The following SLC37A3 variants were observed in gnomAD, a reference collection of about 807,000 sequenced individuals.
SLC37A3 encodes sugar phosphate exchanger 3.
Under a neutral mutation model 67.1 loss-of-function variants are expected in SLC37A3, and 51 were observed. The observed-to-expected ratio is 0.76, with a 90% CI of 0.61 to 0.96. The LOEUF (loss-of-function observed/expected upper bound fraction) is 0.96. SLC37A3 is among the 40% of genes least tolerant of loss of function. SLC37A3 has a pLI of 0.00. For synonymous variants in SLC37A3, 214 were observed against 231.4 expected, an observed-to-expected ratio of 0.92 and a Z score of 0.68; for missense variants, 508 against 603.0, an observed-to-expected ratio of 0.84 and a Z score of 1.65.
At chr7:140,361,022 G>C (rs1797246159) in intron 5 of SLC37A3, among the ~76,000 whole-genome samples, 1 of 152,076 alleles carries the variant, frequency 6.6e-6, no homozygotes, top group African/African-American at 2.4e-5. Flanking sequence ...ACTGTTTCAA[G>C]TGCCTGCAAA....
At chr7:140,350,731 T>C (rs1032017588) in intron 9 of SLC37A3, among the ~76,000 whole-genome samples, 1 of 151,964 alleles carries the variant, frequency 6.6e-6, no homozygotes, top group Admixed American at 6.6e-5. Flanking sequence ...GCCACTGCAC[T>C]CCAGCCTGGG....
Position 140,352,144 on chromosome 7 carries a change from A to G in SLC37A3, c.621T>C (p.Tyr207=), listed in dbSNP as rs1796835995. The change falls in exon 8 of 15, where the codon TAT becomes TAC. Residue 207 remains tyrosine, a splice_region_variant and synonymous_variant. Transcript: ENST00000326232. ...GCACAGACGCCGTCACCAGAAAGGC[A>G]TACTGGAGGAGAGGGGTGAAAGGTG... ...ASSVLQYGYE[Y]AFLVTASVQF... 1.3e-6 allele frequency: 2 copies of G among 1,546,072 alleles called. No individual in the cohort carries two copies. The highest frequency in any genetic ancestry group is 1.1e-5 in the South Asian group (1 of 89,920).
chr7:140,393,749 C>A (rs1798810290), intron 1 of SLC37A3, among the ~76,000 whole-genome samples: 1 of 152,170 alleles, frequency 6.6e-6, no homozygotes, highest in Admixed American at 6.6e-5. Context: ...GCATCTCTCC[C>A]AGTTATCTGG....
At chr7:140,365,136 T>A (rs1797547747) in intron 4 of SLC37A3, among the ~76,000 whole-genome samples, 1 of 152,108 alleles carries the variant, frequency 6.6e-6, no homozygotes, top group Non-Finnish European at 1.5e-5. Flanking sequence ...TGCCTTCTGC[T>A]CTCCTCCCAC....
chr7:140,385,859 T>G (rs375701280), intron 1 of SLC37A3, among the ~76,000 whole-genome samples: 1 of 152,202 alleles, frequency 6.6e-6, no homozygotes, highest in Admixed American at 6.5e-5. Context: ...CTCGGCCCAC[T>G]GCAACCTCCA....
intron 13 of SLC37A3, 104 bp downstream of exon 13, chr7:140,343,308 C>T: frequency 1.3e-6 from 2 of 1,520,744 alleles, no homozygotes; most frequent in Non-Finnish European, 1.8e-6. Context: ...GAACAGCGTT[C>T]TACAGCACAA....
At chr7:140,369,203 T>G (rs1263465111) in intron 4 of SLC37A3, among the ~76,000 whole-genome samples, 1 of 152,178 alleles carries the variant, frequency 6.6e-6, no homozygotes, top group Non-Finnish European at 1.5e-5. Flanking sequence ...CTGTGCTACT[T>G]AAAATTACAA....
At chr7:140,337,098 C>CAAAAA (rs1172096190) in intron 14 of SLC37A3, among the ~76,000 whole-genome samples, 186 bp downstream of exon 14, 15 of 69,560 alleles carry the variant, frequency 2.2e-4, no homozygotes, top group East Asian at 4.6e-4. Context: ...GACTCTGCCT[C>CAAAAA]AAAAAAAAAA....
intron 3 of SLC37A3, among the ~76,000 whole-genome samples, chr7:140,372,653 A>C (rs1797866424): frequency 6.6e-6 from 1 of 152,120 alleles, no homozygotes; most frequent in African/African-American, 2.4e-5. Context: ...ACTTGAAGTC[A>C]AAAGTTCAAG....
intron 13 of SLC37A3, among the ~76,000 whole-genome samples, chr7:140,338,600 T>C (rs1796235921): frequency 6.6e-6 from 1 of 151,812 alleles, no homozygotes; most frequent in Non-Finnish European, 1.5e-5. Context: ...GCCTCCAGAG[T>C]AGCTGGGATT....
chr7:140,365,846 T>C (rs1220425589), intron 4 of SLC37A3, among the ~76,000 whole-genome samples: 1 of 150,282 alleles, frequency 6.7e-6, no homozygotes, highest in Non-Finnish European at 1.5e-5. Flanking sequence ...GCCCCTCATA[T>C]GGACTTATGC....
At chr7:140,347,907 T>C (rs1440099326) in intron 10 of SLC37A3, among the ~76,000 whole-genome samples, 1 of 152,234 alleles carries the variant, frequency 6.6e-6, no homozygotes, top group Non-Finnish European at 1.5e-5. Flanking sequence ...TCAGCAGATA[T>C]GTTCCATGAC....
intron 13 of SLC37A3, among the ~76,000 whole-genome samples, chr7:140,339,841 A>C (rs1796287611): frequency 6.6e-6 from 1 of 150,720 alleles, no homozygotes; most frequent in South Asian, 2.1e-4. Context: ...GGTTCACGCC[A>C]TTCTCCTGCC....
Position 140,333,991 on chromosome 7 carries a change from T to A in SLC37A3, c.*1421A>T, listed in dbSNP as rs980958327. 6.6e-6 allele frequency: 1 copy of A among 152,470 alleles called. No homozygotes were observed. Among genetic ancestry groups the A allele is most frequent in the Non-Finnish European group, 1.5e-5 (1 of 68,028 alleles). The allele number at this position is 152,470 out of a possible 1,614,324, so 9.4% of individuals were successfully genotyped here. A position where few individuals can be genotyped will look rare whatever the true frequency, so the allele number is the denominator to read the frequency against. On this transcript the variant is annotated 3_prime_UTR_variant, in exon 15 of 15. Coordinates refer to ENST00000326232, the MANE Select transcript of SLC37A3 (RefSeq NM_207113.3). Reference sequence around the variant, plus strand: ...TAGTTTGCTTGCATAATTTAAAATATGTATATACAGAATGATCTTAAAATA... The same window carrying A: ...TAGTTTGCTTGCATAATTTAAAATAAGTATATACAGAATGATCTTAAAATA...
At chr7:140,361,285 C>A (rs370223325) in intron 5 of SLC37A3, among the ~76,000 whole-genome samples, 1 of 151,740 alleles carries the variant, frequency 6.6e-6, no homozygotes, top group Non-Finnish European at 1.5e-5. Context: ...GAGTTCGAGA[C>A]CAGCCTGACC....
chr7:140,383,403 C>T (rs993743132), intron 1 of SLC37A3, among the ~76,000 whole-genome samples: 1 of 152,028 alleles, frequency 6.6e-6, no homozygotes, highest in Non-Finnish European at 1.5e-5. Flanking sequence ...TCCAGGAGTT[C>T]GAGGTTACAG....
intron 13 of SLC37A3, chr7:140,337,951 C>A (rs1367687791): frequency 6.7e-6 from 1 of 148,554 alleles, no homozygotes; most frequent in Non-Finnish European, 1.5e-5. Flanking sequence ...AGTGCAGTGG[C>A]GCAATCTCGG....
chr7:140,364,045 C>G (rs1221090146), intron 5 of SLC37A3, among the ~76,000 whole-genome samples: 1 of 152,046 alleles, frequency 6.6e-6, no homozygotes, highest in African/African-American at 2.4e-5. Flanking sequence ...TCACCTGAGG[C>G]CAGGAGATAA....
Position 140,343,549 on chromosome 7 carries a change from C to T in SLC37A3, c.1189G>A (p.Gly397Arg). The change falls in exon 13 of 15, where the codon GGA (glycine) becomes AGA (arginine). Residue 397 changes from glycine (G) to arginine (R), a missense_variant. Physicochemically the swap from Gly to Arg is moderately radical, Grantham distance 125. Coordinates refer to ENST00000326232, the MANE Select transcript of SLC37A3 (RefSeq NM_207113.3). ...LMTVTGFFIG[G>R]PSNMISSAIS... ...GCAGAACTAATCATATTAGAAGGTC[C>T]ACCAATAAAAAATCCTGAAGTCATA... 6.2e-7 allele frequency: 1 copy of T among 1,614,104 alleles called. No individual in the cohort carries two copies. The highest frequency in any genetic ancestry group is 1.1e-5 in the South Asian group (1 of 91,066).
Sources: gnomAD v4.1 joint callset for allele counts (sites outside exome capture counted in the v4.1 genomes callset) on GRCh38, gnomAD v4.1.1 for gene constraint, MANE v1.5 for transcripts, NCBI Gene and HGNC (gene_info 2026-07-23, HGNC 2026-07-21) for gene names.